The following WDR41 variants were observed in gnomAD, a reference collection of about 807,000 sequenced individuals.
WDR41 encodes WD repeat domain 41.
WDR41 carries 63 observed loss-of-function variants against 69.3 expected under a neutral mutation model. The observed-to-expected ratio is 0.91, with a 90% CI of 0.74 to 1.12. The LOEUF (loss-of-function observed/expected upper bound fraction) is 1.12. Among genes scored for constraint, WDR41 ranks in the 50% most tolerant of loss-of-function variants. The probability of loss-of-function intolerance (pLI) is 0.00; values close to 1 mark genes in which losing one functional copy is unlikely to be tolerated. For synonymous variants in WDR41, 185 were observed against 192.1 expected, an observed-to-expected ratio of 0.96 and a Z score of 0.31; for missense variants, 543 against 534.5, an observed-to-expected ratio of 1.02 and a Z score of -0.16.
At chr5:77,440,769 T>C (rs745331402) in intron 9 of WDR41, 44 bp downstream of exon 9, 3 of 1,586,274 alleles carry the variant, frequency 1.9e-6, no homozygotes, top group Admixed American at 1.7e-5. Context: ...AATTGGGTTA[T>C]ATATGTCAAA....
At chr5:77,478,217 T>C (rs560864831) in intron 2 of WDR41, among the ~76,000 whole-genome samples, 4 of 152,248 alleles carry the variant, frequency 2.6e-5, no homozygotes, top group South Asian at 2.1e-4. Context: ...CAGGACCAGA[T>C]GGATTCACAG....
chr5:77,463,301 A>C, intron 3 of WDR41, 75 bp from the exon 4 acceptor site: 1 of 1,389,448 alleles, frequency 7.2e-7, no homozygotes, highest in Non-Finnish European at 9.8e-7. Context: ...CATTAAGTAC[A>C]ACTACCATAT....
intron 1 of WDR41, among the ~76,000 whole-genome samples, chr5:77,512,331 T>TGAGAGAGAGAGAGAGAGAGAGAGAGAGA (rs764631325): frequency 3.4e-4 from 30 of 87,928 alleles, no homozygotes; most frequent in African/African-American, 1.2e-3. Context: ...ATGGGGTGAG[T>TGAGAGAGAGAGAGAGAGAGAGAGAGAGA]GAGAGAGAGA....
intron 2 of WDR41, among the ~76,000 whole-genome samples, chr5:77,469,771 G>A (rs1800484817): frequency 6.6e-6 from 1 of 152,022 alleles, no homozygotes; most frequent in African/African-American, 2.4e-5. Context: ...AGAAATATGG[G>A]ACTATGTGAA....
intron 1 of WDR41, among the ~76,000 whole-genome samples, chr5:77,510,959 T>G (rs1802188649): frequency 6.6e-6 from 1 of 151,794 alleles, no homozygotes; most frequent in Non-Finnish European, 1.5e-5. Flanking sequence ...TAGAGACAGT[T>G]TCACCATGTT....
At chr5:77,560,596 A>T (rs540302808) in intron 1 of WDR41, among the ~76,000 whole-genome samples, 2 of 152,292 alleles carry the variant, frequency 1.3e-5, no homozygotes, top group African/African-American at 2.4e-5. Context: ...ATGAATGATG[A>T]ATATAAAAAC....
intron 1 of WDR41, among the ~76,000 whole-genome samples, chr5:77,608,606 A>T (rs1744474932): frequency 6.6e-6 from 1 of 152,230 alleles, no homozygotes; most frequent in Non-Finnish European, 1.5e-5. Flanking sequence ...CATCACTGCA[A>T]AAGTTTTATT....
At chr5:77,549,427 T>G (rs755530993) in intron 1 of WDR41, among the ~76,000 whole-genome samples, 3 of 152,072 alleles carry the variant, frequency 2.0e-5, no homozygotes, top group South Asian at 2.1e-4. Flanking sequence ...ACAAAATCAA[T>G]GTACACAAAT....
intron 5 of WDR41, among the ~76,000 whole-genome samples, chr5:77,456,494 C>CTATA (rs1799837417): frequency 6.6e-6 from 1 of 152,162 alleles, no homozygotes; most frequent in Non-Finnish European, 1.5e-5. Context: ...TTAGGATTTT[C>CTATA]TATATACACA....
intron 1 of WDR41, among the ~76,000 whole-genome samples, chr5:77,598,112 T>G (rs907050900): frequency 6.6e-6 from 1 of 152,256 alleles, no homozygotes; most frequent in African/African-American, 2.4e-5. Flanking sequence ...TGATTGTATC[T>G]AGCACATTGC....
chr5:77,584,772 G>A (rs1744008234), intron 1 of WDR41, among the ~76,000 whole-genome samples: 1 of 152,162 alleles, frequency 6.6e-6, no homozygotes, highest in South Asian at 2.1e-4. Context: ...CAAGCCACAT[G>A]TAGGAGAATG....
chr5:77,521,175 G>A (rs1471483905), intron 1 of WDR41, among the ~76,000 whole-genome samples: 2 of 152,212 alleles, frequency 1.3e-5, no homozygotes, highest in Non-Finnish European at 2.9e-5. Context: ...GGGGGTGGGT[G>A]GGGGATGATT....
At chr5:77,607,529 C>G (rs1371220649) in intron 1 of WDR41, among the ~76,000 whole-genome samples, 1 of 152,210 alleles carries the variant, frequency 6.6e-6, no homozygotes, top group Non-Finnish European at 1.5e-5. Context: ...AGGTCTACTG[C>G]TACTTACCTT....
At chr5:77,596,354 G>A (rs898121467) in intron 1 of WDR41, among the ~76,000 whole-genome samples, 3 of 152,074 alleles carry the variant, frequency 2.0e-5, no homozygotes, top group South Asian at 2.1e-4. Flanking sequence ...CACCATGTTG[G>A]CCAGGATGGT....
Position 77,431,276 on chromosome 5 carries a change from A to G in WDR41, c.*1859T>C, listed in dbSNP as rs1422425279. On this transcript the variant is annotated 3_prime_UTR_variant, in exon 13 of 13. Coordinates refer to ENST00000296679, the MANE Select transcript of WDR41 (RefSeq NM_018268.4). ...AACTGCCACAGCCACCCCAACCTTC[A>G]GTAACCACCTTAGTCAACAGCCAGC... 1 of 152,540 alleles carries G rather than the reference A, an allele frequency of 6.6e-6. No individual in the cohort carries two copies. The highest frequency in any genetic ancestry group is 6.5e-5 in the Admixed American group (1 of 15,282). 9.4% of individuals were successfully genotyped at this position (152,540 alleles called of 1,614,324 possible).
chr5:77,474,786 A>C (rs574638207), intron 2 of WDR41, among the ~76,000 whole-genome samples: 1 of 152,300 alleles, frequency 6.6e-6, no homozygotes, highest in Non-Finnish European at 1.5e-5. Flanking sequence ...GCTAAACTAC[A>C]CATCAAGATT....
chr5:77,597,254 C>A (rs1052846675), intron 1 of WDR41, among the ~76,000 whole-genome samples: 18 of 152,114 alleles, frequency 1.2e-4, no homozygotes, highest in African/African-American at 4.1e-4. Flanking sequence ...GCCTATAATT[C>A]TTTGTATAGG....
In WDR41 at chr5:77,590,724, A is replaced by T. The variant is rs140372042; in HGVS notation, c.42+29755T>A. Among the ~76,000 whole-genome samples the T allele has an allele frequency of 1.5e-3, 225 of 152,276 alleles. 2 individuals are homozygous for T. The highest frequency in any genetic ancestry group is 5.3e-3 in the African/African-American group (221 of 41,558). On this transcript the variant is annotated intron_variant, in intron 1 of 5. Coordinates refer to the WDR41 transcript ENST00000509971. ...AGGAGTCCTCCCTTGGAACAGGTCT[A>T]TATTTCTCCCTTTCCCCTTGACAGA...
intron 2 of WDR41, among the ~76,000 whole-genome samples, chr5:77,473,359 A>C (rs1413694990): frequency 6.6e-6 from 1 of 152,212 alleles, no homozygotes; most frequent in Non-Finnish European, 1.5e-5. Flanking sequence ...AAACCTAGGC[A>C]ATACCATTCA....
Sources: gnomAD v4.1 joint callset for allele counts (sites outside exome capture counted in the v4.1 genomes callset) on GRCh38, gnomAD v4.1.1 for gene constraint, MANE v1.5 for transcripts, NCBI Gene and HGNC (gene_info 2026-07-23, HGNC 2026-07-21) for gene names.